The following HFE variants were observed in gnomAD, a reference collection of about 807,000 sequenced individuals.
HFE encodes homeostatic iron regulator, also known as hereditary hemochromatosis protein.
HFE carries 36 observed loss-of-function variants against 40.9 expected under a neutral mutation model. That is an observed-to-expected ratio of 0.88 (90% confidence interval 0.67 to 1.16). The LOEUF (loss-of-function observed/expected upper bound fraction) is 1.16, where lower values mean the gene tolerates loss of function less well. HFE is among the 50% of genes most tolerant of loss of function. The pLI is 0.00. For missense variants in HFE, 376 were observed against 432.0 expected, an observed-to-expected ratio of 0.87 and a Z score of 1.15; for synonymous variants, 157 against 165.4, an observed-to-expected ratio of 0.95 and a Z score of 0.39.
rs1763109337 is a variant in HFE, at chr6:26,098,306, G to A, written c.*4080G>A. The A allele has an allele frequency of 6.6e-6, 1 of 152,102 alleles. No individual in the cohort carries two copies. The highest frequency in any genetic ancestry group is 1.5e-5 in the Non-Finnish European group (1 of 68,022). 9.4% of individuals were successfully genotyped at this position (152,102 alleles called of 1,614,324 possible). On this transcript the variant is annotated 3_prime_UTR_variant, in exon 6 of 6. Transcript: ENST00000357618. ...CTTATATATTTTCTATTTCTTGGAT[G>A]GATGAATTTGTACATTAAAAGTTTT... is the stretch of plus-strand genomic sequence containing the variant.
At chr6:26,089,226 A>G (rs1762507453) in intron 1 of HFE, among the ~76,000 whole-genome samples, 3 of 152,054 alleles carry the variant, frequency 2.0e-5, no homozygotes, top group Admixed American at 2.0e-4. Context: ...AGTCTTGACA[A>G]CCAAAAATGT....
rs570734278 is a variant in HFE at position 26,089,898 on chromosome 6, A to G, written c.77-943A>G. The stretch of plus-strand genomic sequence containing the variant: ...AGCCATGACTGTGCCACTGTACTTC[A>G]GCCTAGGTGACAGAGCAAGACCCTG... On this transcript the variant is annotated intron_variant, in intron 1 of 5. Coordinates refer to ENST00000357618, the MANE Select transcript of HFE (RefSeq NM_000410.4). 3.3e-5 allele frequency among the ~76,000 whole-genome samples: 5 copies of G among 152,308 alleles called. No individual in the cohort carries two copies. In the East Asian group the frequency reaches 9.6e-4, roughly 29 times the overall value.
At chr6:26,090,593 G>A (rs1227894753) in intron 1 of HFE, among the ~76,000 whole-genome samples, 1 of 151,908 alleles carries the variant, frequency 6.6e-6, no homozygotes, top group African/African-American at 2.4e-5. Flanking sequence ...AGTGGAGTCT[G>A]TCTAATCATG....
At position 26,095,614 on chromosome 6, in the gene HFE, G is replaced by A. The variant is rs1164019567; in HGVS notation, c.*1388G>A. The A allele has an allele frequency of 6.6e-6, 1 of 152,138 alleles. No homozygotes were observed. Among genetic ancestry groups the A allele is most frequent in the African/African-American group, 2.4e-5 (1 of 41,428 alleles). The allele number at this position is 152,138 out of a possible 1,614,324, so 9.4% of individuals were successfully genotyped here. A position where few individuals can be genotyped will look rare whatever the true frequency, so the allele number is the denominator to read the frequency against. Reference sequence around the variant, plus strand: ...CAATCTGACCGTTTGATACATCTCAGACACCACTACATTCAGTAGTTTAGA... The same window carrying A: ...CAATCTGACCGTTTGATACATCTCAAACACCACTACATTCAGTAGTTTAGA... On this transcript the variant is annotated 3_prime_UTR_variant, in exon 6 of 6. Coordinates refer to ENST00000357618, the MANE Select transcript of HFE (RefSeq NM_000410.4).
chr6:26,092,916 A>G lies in HFE; in HGVS notation c.848A>G (p.Gln283Arg). The change falls in exon 4 of 6, where the codon CAG (glutamine) becomes CGG (arginine). Residue 283 changes from glutamine (Q) to arginine (R), a missense_variant. Transcript: ENST00000357618. ...GGGGAAGAGCAGAGATATACGTGCC[A>G]GGTGGAGCACCCAGGCCTGGATCAG... ...PPGEEQRYTC[Q>R]VEHPGLDQPL... The G allele has an allele frequency of 1.9e-6, 3 of 1,614,162 alleles. No individual in the cohort carries two copies. The highest frequency in any genetic ancestry group is 1.7e-6 in the Non-Finnish European group (2 of 1,180,016).
At position 26,093,075 on chromosome 6, in the gene HFE, T is replaced by C. The variant is rs1800708; in HGVS notation, c.893-44T>C. The C allele has an allele frequency of 0.097, 157,204 of 1,613,128 alleles. 16,337 individuals are homozygous for C. The highest frequency in any genetic ancestry group is 0.61 in the East Asian group (27,565 of 44,850). On this transcript the variant is annotated intron_variant, in intron 4 of 5. Transcript: ENST00000357618. ...ATCTGCTCTTTGTTAGGGGGTGGGCTGAGGGTGGCAATCAAAGGCTTTAAC... is the reference window on the plus strand; with the variant it reads ...ATCTGCTCTTTGTTAGGGGGTGGGCCGAGGGTGGCAATCAAAGGCTTTAAC...
At position 26,096,484 on chromosome 6, in the gene HFE, T is replaced by C; in HGVS notation, c.*2258T>C. 1 of 456,430 alleles carries C rather than the reference T, an allele frequency of 2.2e-6. No homozygotes were observed. The highest frequency in any genetic ancestry group is 1.5e-5 in the South Asian group (1 of 64,552). 28.3% of individuals were successfully genotyped at this position (456,430 alleles called of 1,614,324 possible). A position where few individuals can be genotyped will look rare whatever the true frequency, so the allele number is the denominator to read the frequency against. On this transcript the variant is annotated 3_prime_UTR_variant, in exon 6 of 6. Coordinates refer to ENST00000357618, the MANE Select transcript of HFE (RefSeq NM_000410.4). Reference sequence around the variant, plus strand: ...CCAGATGGCATGTGTTTACTTTATGTTACTACATGCACTTGGCTGCATAAA... The same window carrying C: ...CCAGATGGCATGTGTTTACTTTATGCTACTACATGCACTTGGCTGCATAAA...
chr6:26,095,027 T>C lies in HFE; in HGVS notation c.*801T>C, dbSNP rs62625356. 5,063 of 155,776 alleles carry C rather than the reference T, an allele frequency of 0.033. 223 individuals carry two copies. The highest frequency in any genetic ancestry group is 0.11 in the African/African-American group (4,401 of 41,554). 9.6% of individuals were successfully genotyped at this position (155,776 alleles called of 1,614,324 possible). On this transcript the variant is annotated 3_prime_UTR_variant, in exon 6 of 6. Transcript: ENST00000357618. ...CAGACCTGAAGAATCACAATAATTTTCTACCTGGTCTCTCCTTGTTCTGAT... is the reference window on the plus strand; with the variant it reads ...CAGACCTGAAGAATCACAATAATTTCCTACCTGGTCTCTCCTTGTTCTGAT...
Position 26,090,947 on chromosome 6 carries a change from T to G in HFE, c.183T>G (p.Tyr61Ter). 6.2e-7 allele frequency: 1 copy of G among 1,614,192 alleles called. No homozygotes were observed. The highest frequency in any genetic ancestry group is 8.5e-7 in the Non-Finnish European group (1 of 1,180,028). Residue 61 changes from tyrosine to a stop codon, truncating the protein, a stop_gained, in exon 2 of 6, where the codon TAT (tyrosine) becomes TAG (stop). Transcript: ENST00000357618. LOFTEE classifies it high-confidence loss of function. ...GYVDDQLFVF[Y>*]DHESRRVEPR... ...TGGATGACCAGCTGTTCGTGTTCTA[T>G]GATCATGAGAGTCGCCGTGTGGAGC...
chr6:26,091,572 G>A lies in HFE; in HGVS notation c.599G>A (p.Gly200Asp), dbSNP rs1762710900. 6.2e-7 allele frequency: 1 copy of A among 1,613,108 alleles called. No homozygotes were observed. The highest frequency in any genetic ancestry group is 1.7e-5 in the Admixed American group (1 of 60,000). The change falls in exon 3 of 6, where the codon GGT (glycine) becomes GAT (aspartate). Residue 200 changes from glycine (G) to aspartate (D), a missense_variant. Gly to Asp is a moderately conservative substitution (Grantham distance 94). This residue lies in a region of HFE where 173 missense variants were observed against 186.9 expected (regional missense o/e 0.93). Coordinates refer to ENST00000357618, the MANE Select transcript of HFE (RefSeq NM_000410.4). ...QLQQLLELGR[G>D]VLDQQVPPLV... ...CAGCAGTTGCTGGAGCTGGGGAGAG[G>A]TGTTTTGGACCAACAAGGTATGGTG...
At position 26,097,411 on chromosome 6, in the gene HFE, C is replaced by G. The variant is rs1209205906; in HGVS notation, c.*3185C>G. 6.6e-6 allele frequency: 1 copy of G among 152,098 alleles called. No homozygotes were observed. Among genetic ancestry groups the G allele is most frequent in the Non-Finnish European group, 1.5e-5 (1 of 68,022 alleles). The allele number at this position is 152,098 out of a possible 1,614,324, so 9.4% of individuals were successfully genotyped here. ...AAATCAAAGACCTGCATTTTAAATT[C>G]TTATTCACCTCTGGCAAAACCATTC... On this transcript the variant is annotated 3_prime_UTR_variant, in exon 6 of 6. Transcript: ENST00000357618.
rs1428137630 is a variant in HFE, at chr6:26,097,420, C to T, written c.*3194C>T. ...ACCTGCATTTTAAATTCTTATTCAC[C>T]TCTGGCAAAACCATTCACAAACCAT... is the stretch of plus-strand genomic sequence containing the variant. On this transcript the variant is annotated 3_prime_UTR_variant, in exon 6 of 6. Transcript: ENST00000357618. 2.0e-5 allele frequency: 3 copies of T among 152,086 alleles called. No homozygotes were observed. The highest frequency in any genetic ancestry group is 7.2e-5 in the African/African-American group (3 of 41,390). The allele number at this position is 152,086 out of a possible 1,614,324, so 9.4% of individuals were successfully genotyped here.
Position 26,097,396 on chromosome 6 carries a change from C to A in HFE, c.*3170C>A, listed in dbSNP as rs1763081933. On this transcript the variant is annotated 3_prime_UTR_variant, in exon 6 of 6. Transcript: ENST00000357618. ...TCAACTACATTTGAAAAATCAAAGA[C>A]CTGCATTTTAAATTCTTATTCACCT... 6.6e-6 allele frequency: 1 copy of A among 152,064 alleles called. No homozygotes were observed. Among genetic ancestry groups the A allele is most frequent in the Admixed American group, 6.5e-5 (1 of 15,274 alleles). 9.4% of individuals were successfully genotyped at this position (152,064 alleles called of 1,614,324 possible).
At position 26,091,469 on chromosome 6, in the gene HFE, A is replaced by G. The variant is rs144170531; in HGVS notation, c.496A>G (p.Lys166Glu). ...AGCAGAACCCAGGGCCTGGCCCACC[A>G]AGCTGGAGTGGGAAAGGCACAAGAT... is the stretch of plus-strand genomic sequence containing the variant. ...RAAEPRAWPT[K>E]LEWERHKIRA... Residue 166 changes from lysine to glutamate, a missense_variant, in exon 3 of 6, where the codon AAG becomes GAG. This residue lies in a region of HFE where 200 missense variants were observed against 228.5 expected (regional missense o/e 0.88). Coordinates refer to ENST00000357618, the MANE Select transcript of HFE (RefSeq NM_000410.4). The G allele has an allele frequency of 3.3e-5, 54 of 1,614,138 alleles. No homozygotes were observed. The African/African-American group carries it at 7.1e-4, about 21-fold the overall frequency.
In HFE at chr6:26,095,528, GAA is replaced by G; in HGVS notation, c.*1304_*1305del. 1 of 150,678 alleles carries G rather than the reference GAA, an allele frequency of 6.6e-6. No homozygotes were observed. The highest frequency in any genetic ancestry group is 1.5e-5 in the Non-Finnish European group (1 of 67,574). 9.3% of individuals were successfully genotyped at this position (150,678 alleles called of 1,614,324 possible). On this transcript the variant is annotated 3_prime_UTR_variant, in exon 6 of 6. Coordinates refer to ENST00000357618, the MANE Select transcript of HFE (RefSeq NM_000410.4). ...AAAAATAAAAAAATGAAAAAAAAAAGAAAGTGAAGTATAGAGTATCTCATAGT... is the reference window on the plus strand; with the variant it reads ...AAAAATAAAAAAATGAAAAAAAAAAGAGTGAAGTATAGAGTATCTCATAGT...
chr6:26,093,346 G>C, intron 5 of HFE, 114 bp downstream of exon 5: 1 of 757,766 alleles, frequency 1.3e-6, no homozygotes. Flanking sequence ...TATATTCTTT[G>C]GGGACACCAG....
In HFE at chr6:26,094,406, T is replaced by C. The variant is rs1280055938; in HGVS notation, c.*180T>C. 2.8e-6 allele frequency: 2 copies of C among 722,200 alleles called. No individual in the cohort carries two copies. The highest frequency in any genetic ancestry group is 5.0e-6 in the Non-Finnish European group (2 of 401,686). 44.7% of individuals were successfully genotyped at this position (722,200 alleles called of 1,614,324 possible). ...CTCAAAAAGATTTCCCCATTTAGGTTTCTGAGTTCCTGCATGCCGGTGATC... is the reference window on the plus strand; with the variant it reads ...CTCAAAAAGATTTCCCCATTTAGGTCTCTGAGTTCCTGCATGCCGGTGATC... On this transcript the variant is annotated 3_prime_UTR_variant, in exon 6 of 6. Coordinates refer to ENST00000357618, the MANE Select transcript of HFE (RefSeq NM_000410.4).
chr6:26,089,330 C>T (rs1312412316), intron 1 of HFE, among the ~76,000 whole-genome samples: 1 of 152,048 alleles, frequency 6.6e-6, no homozygotes, highest in Non-Finnish European at 1.5e-5. Flanking sequence ...GGAGTAGAGG[C>T]CAAGAAGTAG....
In HFE at chr6:26,096,058, G is replaced by T. The variant is rs1581677556; in HGVS notation, c.*1832G>T. ...CCAGGTCCTTCCATGGAGCCACTGG[G>T]GTTCCGGTGCACATTAAAAAAAAAA... On this transcript the variant is annotated 3_prime_UTR_variant, in exon 6 of 6. Transcript: ENST00000357618. 6.4e-6 allele frequency: 1 copy of T among 156,156 alleles called. No homozygotes were observed. The highest frequency in any genetic ancestry group is 1.9e-4 in the South Asian group (1 of 5,384). The allele number at this position is 156,156 out of a possible 1,614,324, so 9.7% of individuals were successfully genotyped here.
Sources: gnomAD v4.1 joint callset for allele counts (sites outside exome capture counted in the v4.1 genomes callset) on GRCh38, gnomAD v4.1.1 for gene constraint, gnomAD v4.1.1 regional missense constraint, MANE v1.5 for transcripts, NCBI Gene and HGNC (gene_info 2026-07-23, HGNC 2026-07-21) for gene names.